Variants in MYH7B observed in about 807,000 individuals in gnomAD.
MYH7B encodes the protein myosin heavy chain 7B.
A neutral mutation model predicts 234.5 loss-of-function variants in MYH7B; 205 were observed. That is an observed-to-expected ratio of 0.87 (90% CI 0.78 to 0.98). The LOEUF (loss-of-function observed/expected upper bound fraction) is 0.98, where lower values mean the gene tolerates loss of function less well. Ranked by LOEUF, MYH7B falls within the 50% of genes least tolerant of loss-of-function variation. The pLI is 0.00. For missense variants in MYH7B, 2,652 were observed against 2,633.4 expected, an observed-to-expected ratio of 1.01 and a Z score of -0.15; for synonymous variants, 1,193 against 1,105.0, an observed-to-expected ratio of 1.08 and a Z score of -1.58.
rs763760861 is a variant in MYH7B at position 34,996,506 on chromosome 20, A to G, written c.3104A>G (p.Glu1035Gly). ...CTGACCAAGGCCAAGCTCCGGCTGG[A>G]GCAACAGGTGGAGGACGTGAGTCAG... The change falls in exon 29 of 45, where the codon GAG becomes GGG. Residue 1035 changes from glutamate to glycine, a missense_variant. By Grantham distance (98) the Glu-to-Gly change is moderately conservative (BLOSUM62 -2). Transcript: ENST00000262873. The G allele has an allele frequency of 8.1e-6, 13 of 1,610,866 alleles. No homozygotes were observed. The East Asian group carries it at 2.7e-4, about 33-fold the overall frequency.
intron 2 of MYH7B, among the ~76,000 whole-genome samples, chr20:34,969,900 A>G (rs2081777219): frequency 6.6e-6 from 1 of 151,970 alleles, no homozygotes; most frequent in South Asian, 2.1e-4. Flanking sequence ...CAGCAATGAC[A>G]TATTGAGTCT....
chr20:34,970,734 T>C (rs528457091), intron 2 of MYH7B, among the ~76,000 whole-genome samples: 4 of 151,904 alleles, frequency 2.6e-5, no homozygotes, highest in African/African-American at 7.2e-5. Flanking sequence ...GGGTAGGAGG[T>C]TGGCCCAGCC....
chr20:34,996,705 G>C, exon 30 of MYH7B: 1 of 1,613,588 alleles, frequency 6.2e-7, no homozygotes, highest in Non-Finnish European at 8.5e-7. Flanking sequence ...TGACGCAGGA[G>C]TCGGTGGCTG....
rs747907889 is a variant in MYH7B at position 34,988,191 on chromosome 20, C to T, written c.1516C>T (p.Arg506Trp). ...TGTGCTGGAGCAGGAGGAGTACAAG[C>T]GGGAGGGCATCGACTGGGTCTTCAT... is the stretch of plus-strand genomic sequence containing the variant. Residue 506 changes from arginine to tryptophan, a missense_variant, in exon 19 of 45, where the codon CGG becomes TGG. Around this residue, in one of 3 missense-constraint regions of MYH7B, gnomAD observed 2,279 missense variants for 2,211.4 expected, o/e 1.03. Coordinates refer to ENST00000262873, the Ensembl canonical transcript of MYH7B. 45 of 1,614,122 alleles carry T rather than the reference C, an allele frequency of 2.8e-5. No homozygotes were observed. The highest frequency in any genetic ancestry group is 3.3e-4 in the Middle Eastern group (2 of 6,062).
chr20:34,980,824 T>C (rs2081931452), intron 8 of MYH7B, 90 bp downstream of exon 8: 3 of 1,551,850 alleles, frequency 1.9e-6, no homozygotes. Context: ...CCACTGGCAC[T>C]GCCCCCCTTT....
At chr20:34,982,173 A>C in intron 9 of MYH7B, 2 of 373,012 alleles carry the variant, frequency 5.4e-6, no homozygotes, top group African/African-American at 2.1e-5. Flanking sequence ...TGGGGGTGAT[A>C]ATGGAGCCTG....
At chr20:34,988,251 C>T (rs1193889757) in exon 19 of MYH7B, 1 of 1,612,534 alleles carries the variant, frequency 6.2e-7, no homozygotes, top group African/African-American at 1.3e-5. Context: ...TTGCATCGAC[C>T]TCATCGAGAA....
chr20:35,001,396 C>G (rs1243565455), intron 42 of MYH7B, 35 bp from the exon 43 acceptor site: 1 of 1,593,238 alleles, frequency 6.3e-7, no homozygotes, highest in Admixed American at 1.8e-5. Flanking sequence ...GCTGGCCCAG[C>G]CCAAGCAAGC....
chr20:35,000,639 G>T lies in MYH7B; in HGVS notation c.5128G>T (p.Glu1710Ter), dbSNP rs1326457705. The T allele has an allele frequency of 6.3e-7, 1 of 1,581,080 alleles. No homozygotes were observed. Among genetic ancestry groups the T allele is most frequent in the South Asian group, 1.1e-5 (1 of 87,662 alleles). Residue 1710 changes from glutamate to a stop codon, truncating the protein, a stop_gained, in exon 39 of 45, where the codon GAG (glutamate) becomes TAG (stop). Transcript: ENST00000262873. LOFTEE classifies it high-confidence loss of function. ...GGGCGAGCGCAGCCGGCGACTGGCA[G>T]AGCAGGAGCTTTTGGAGGCCACCGA...
At chr20:34,996,907 C>T in intron 30 of MYH7B, 149 bp downstream of exon 30, 1 of 1,323,458 alleles carries the variant, frequency 7.6e-7, no homozygotes, top group Non-Finnish European at 1.0e-6. Flanking sequence ...AGTGTCTTGC[C>T]CTCCCTGTAC....
At position 34,989,821 on chromosome 20, in the gene MYH7B, G is replaced by A. The variant is rs539794631; in HGVS notation, c.1669G>A (p.Asp557Asn). 100 of 1,614,150 alleles carry A rather than the reference G, an allele frequency of 6.2e-5. 1 individual carries two copies. In the South Asian group the frequency reaches 8.6e-4, roughly 14 times the overall value. The change falls in exon 20 of 45, where the codon GAC becomes AAC. Residue 557 changes from aspartate (D) to asparagine (N), a missense_variant. Physicochemically the swap from Asp to Asn is conservative, Grantham distance 23. This residue lies in a region of MYH7B where 2,279 missense variants were observed against 2,211.4 expected (regional missense o/e 1.03). Transcript: ENST00000262873. ...CGCCAGCTTCCGGGCCAAGCTCTAC[G>A]ACAACCACGCGGGGAAGTCACCCAA...
chr20:34,986,368 C>T (rs1399351377), intron 14 of MYH7B, among the ~76,000 whole-genome samples, 170 bp downstream of exon 14: 1 of 152,218 alleles, frequency 6.6e-6, no homozygotes, highest in Non-Finnish European at 1.5e-5. Context: ...GGGAACAGTC[C>T]TCTTAGCTCC....
intron 25 of MYH7B, 47 bp downstream of exon 25, chr20:34,993,272 A>G: frequency 6.2e-7 from 1 of 1,613,938 alleles, no homozygotes; most frequent in Non-Finnish European, 8.5e-7. Flanking sequence ...TGGCGGTCAC[A>G]CTGGGCAGGG....
chr20:34,977,642 A>G (rs868789584), exon 4 of MYH7B: 1 of 1,545,350 alleles, frequency 6.5e-7, no homozygotes, highest in South Asian at 1.2e-5. Flanking sequence ...TGGCAATAAA[A>G]GGGGTAGCAG....
In MYH7B at chr20:35,000,667, G is replaced by A. The variant is rs546905466; in HGVS notation, c.5156G>A (p.Arg1719His). The A allele has an allele frequency of 1.1e-5, 17 of 1,588,472 alleles. No individual in the cohort carries two copies. Among genetic ancestry groups the A allele is most frequent in the African/African-American group, 2.7e-5 (2 of 74,842 alleles). The change falls in exon 39 of 45, where the codon CGC (arginine) becomes CAC (histidine). Residue 1719 changes from arginine (R) to histidine (H), a missense_variant. Physicochemically the swap from Arg to His is conservative, Grantham distance 29 (BLOSUM62 0). Transcript: ENST00000262873. ...CAGGAGCTTTTGGAGGCCACCGAGCGCCTCAACCTTCTGCATTCGCAGGTG... is the reference window on the plus strand; with the variant it reads ...CAGGAGCTTTTGGAGGCCACCGAGCACCTCAACCTTCTGCATTCGCAGGTG...
chr20:34,977,753 G>A, intron 4 of MYH7B, 73 bp downstream of exon 4: 1 of 1,466,610 alleles, frequency 6.8e-7, no homozygotes, highest in Non-Finnish European at 9.3e-7. Flanking sequence ...GGTGCCCATG[G>A]GTGGCCGCGA....
intron 10 of MYH7B, 121 bp downstream of exon 10, chr20:34,982,676 G>A: frequency 1.2e-6 from 1 of 853,814 alleles, no homozygotes; most frequent in Middle Eastern, 3.5e-4. Flanking sequence ...CCTGAGCCCT[G>A]CCTGAGCCTC....
intron 6 of MYH7B, 45 bp from the exon 7 acceptor site, chr20:34,979,616 C>T (rs199711450): frequency 2.7e-5 from 44 of 1,611,910 alleles, no homozygotes; most frequent in South Asian, 2.5e-4. Context: ...TGAGGTCGGT[C>T]GGTTCCTCCC....
At chr20:34,965,465 C>T (rs758547219) in intron 2 of MYH7B, among the ~76,000 whole-genome samples, 21 of 152,242 alleles carry the variant, frequency 1.4e-4, no homozygotes, top group Non-Finnish European at 2.2e-4. Context: ...AGAAGCCTCA[C>T]GCCAGGGGAC....
Sources: gnomAD v4.1 joint callset for allele counts (sites outside exome capture counted in the v4.1 genomes callset) on GRCh38, gnomAD v4.1.1 for gene constraint, gnomAD v4.1.1 regional missense constraint, MANE v1.5 for transcripts, NCBI Gene and HGNC (gene_info 2026-07-23, HGNC 2026-07-21) for gene names.